Variants in ZNF143 observed in about 807,000 individuals in gnomAD.
ZNF143 encodes the protein SPH-binding factor.
In ZNF143, 49 loss-of-function variants were observed where a neutral mutation model predicts 74.1. The observed-to-expected ratio is 0.66, with a 90% CI of 0.53 to 0.84. ZNF143 has a LOEUF of 0.84. Ranked by LOEUF, ZNF143 falls within the 40% of genes least tolerant of loss-of-function variation. The probability of loss-of-function intolerance (pLI) is 0.00; values close to 1 mark genes in which losing one functional copy is unlikely to be tolerated. For missense variants in ZNF143, 637 were observed against 793.4 expected (o/e 0.80, Z 2.37); for synonymous variants, 304 against 282.8 (o/e 1.07, Z -0.75).
In ZNF143 at chr11:9,473,981, T is replaced by A; in HGVS notation, c.246T>A (p.Asp82Glu). Reference protein sequence around the residue: ...LIDGQVIQLEDGSAAYVQHVP... With the variant: ...LIDGQVIQLEEGSAAYVQHVP... ...ATGGCCAGGTCATTCAGTTGGAAGA[T>A]GGTTCTGCGGCCTATGTTCAACATG... is the stretch of plus-strand genomic sequence containing the variant. Residue 82 changes from aspartate (D) to glutamate (E), a missense_variant, in exon 4 of 16, where the codon GAT becomes GAA. Around this residue, in one of 2 missense-constraint regions of ZNF143, gnomAD observed 293 missense variants for 307.8 expected, o/e 0.95. Coordinates refer to ENST00000396602, the MANE Select transcript of ZNF143 (RefSeq NM_003442.6). 1 of 1,614,134 alleles carries A rather than the reference T, an allele frequency of 6.2e-7. No individual in the cohort carries two copies. The highest frequency in any genetic ancestry group is 8.5e-7 in the Non-Finnish European group (1 of 1,179,994).
At position 9,516,148 on chromosome 11, in the gene ZNF143, T is replaced by C. The variant is rs536896456; in HGVS notation, c.1525-53T>C. ...ATTAGTCCTGGTCCTTATGGAAGAT[T>C]GTCAGCTATAACAAGAAACATTGAC... On this transcript the variant is annotated intron_variant, in intron 13 of 15. Coordinates refer to ENST00000396602, the MANE Select transcript of ZNF143 (RefSeq NM_003442.6). The C allele has an allele frequency of 8.3e-5, 131 of 1,582,344 alleles. 1 individual carries two copies. In the East Asian group the frequency reaches 2.8e-3, roughly 34 times the overall value.
Position 9,512,460 on chromosome 11 carries a change from A to G in ZNF143, c.1388A>G (p.Asp463Gly). 6.2e-7 allele frequency: 1 copy of G among 1,614,088 alleles called. No homozygotes were observed. The change falls in exon 13 of 16, where the codon GAT (aspartate) becomes GGT (glycine). Residue 463 changes from aspartate (D) to glycine (G), a missense_variant. By Grantham distance (94) the Asp-to-Gly change is moderately conservative. This residue lies in a region of ZNF143 where 344 missense variants were observed against 485.6 expected (regional missense o/e 0.71). Transcript: ENST00000396602. Reference sequence around the variant, plus strand: ...TTGTTTTAAACAGGTCAAGGTGAAGATGTTCTTAAAGGGTCCCAGATTACG... The same window carrying G: ...TTGTTTTAAACAGGTCAAGGTGAAGGTGTTCTTAAAGGGTCCCAGATTACG... ...FFEPPPGQGE[D>G]VLKGSQITYV...
chr11:9,508,338 T>G (rs1416816247), intron 11 of ZNF143, among the ~76,000 whole-genome samples: 1 of 152,198 alleles, frequency 6.6e-6, no homozygotes, highest in East Asian at 1.9e-4. Context: ...TTCATTAAAG[T>G]TAGAGTTAAA....
chr11:9,519,968 T>G (rs1406970659), intron 14 of ZNF143, among the ~76,000 whole-genome samples: 7 of 151,758 alleles, frequency 4.6e-5, no homozygotes, highest in Non-Finnish European at 8.8e-5. Flanking sequence ...GGAGGATTGC[T>G]TGAGCCCAGG....
At chr11:9,468,046 G>A (rs1012328609) in intron 1 of ZNF143, among the ~76,000 whole-genome samples, 5 of 152,048 alleles carry the variant, frequency 3.3e-5, no homozygotes, top group African/African-American at 1.2e-4. Context: ...TTTTAACAGA[G>A]CAGCATCAGA....
At chr11:9,468,795 C>T (rs1856394669) in intron 1 of ZNF143, among the ~76,000 whole-genome samples, 1 of 152,032 alleles carries the variant, frequency 6.6e-6, no homozygotes, top group Non-Finnish European at 1.5e-5. Context: ...CAGGGTCCTG[C>T]CACTGCAGTC....
rs763786877 is a variant in ZNF143 at position 9,508,828 on chromosome 11, T to C, written c.1357T>C (p.Phe453Leu). 1 of 1,592,660 alleles carries C rather than the reference T, an allele frequency of 6.3e-7. No homozygotes were observed. The highest frequency in any genetic ancestry group is 8.6e-7 in the Non-Finnish European group (1 of 1,168,930). The change falls in exon 12 of 16, where the codon TTC (phenylalanine) becomes CTC (leucine). Residue 453 changes from phenylalanine (F) to leucine (L), a missense_variant. Physicochemically the swap from Phe to Leu is conservative, Grantham distance 22. This residue lies in a region of ZNF143 where 344 missense variants were observed against 485.6 expected (regional missense o/e 0.71). Transcript: ENST00000396602. Reference protein sequence around the residue: ...TEPIEEEQEAFFEPPPGQGED... With the variant: ...TEPIEEEQEALFEPPPGQGED... ...GCCCATCGAGGAGGAGCAGGAAGCCTTCTTTGAGCCGCCCCCAGGTGAGAG... is the reference window on the plus strand; with the variant it reads ...GCCCATCGAGGAGGAGCAGGAAGCCCTCTTTGAGCCGCCCCCAGGTGAGAG...
intron 8 of ZNF143, among the ~76,000 whole-genome samples, chr11:9,495,985 G>T (rs111470999): frequency 6.6e-6 from 1 of 152,094 alleles, no homozygotes; most frequent in African/African-American, 2.4e-5. Context: ...CTTACATTGT[G>T]TAGTCTCTCC....
Position 9,501,195 on chromosome 11 carries a change from T to A in ZNF143, c.1072T>A (p.Tyr358Asn), listed in dbSNP as rs1565051846. ...GACACACACAGGAGAAAGACCTTAT[T>A]ACTGCACAGAGCCAGGATGTGGGAG... ...VRTHTGERPYYCTEPGCGRAF... is the reference protein window; with the variant it reads ...VRTHTGERPYNCTEPGCGRAF... The change falls in exon 11 of 16, where the codon TAC becomes AAC. Residue 358 changes from tyrosine (Y) to asparagine (N), a missense_variant. Physicochemically the swap from Tyr to Asn is moderately radical, Grantham distance 143. This residue lies in a region of ZNF143 where 344 missense variants were observed against 485.6 expected (regional missense o/e 0.71). Transcript: ENST00000396602. 6.2e-7 allele frequency: 1 copy of A among 1,614,090 alleles called. No homozygotes were observed. The highest frequency in any genetic ancestry group is 8.5e-7 in the Non-Finnish European group (1 of 1,180,050).
intron 7 of ZNF143, among the ~76,000 whole-genome samples, chr11:9,486,476 T>TTTTTTGAGG (rs1159713663): frequency 2.5e-5 from 2 of 80,850 alleles, no homozygotes; most frequent in Non-Finnish European, 4.9e-5. Flanking sequence ...AAAAGCCCTG[T>TTTTTTGAGG]TTTTTGAGGT....
At chr11:9,478,934 T>C (rs1188996745) in intron 6 of ZNF143, among the ~76,000 whole-genome samples, 2 of 151,948 alleles carry the variant, frequency 1.3e-5, no homozygotes, top group Non-Finnish European at 2.9e-5. Flanking sequence ...GAGAAATGAG[T>C]GGCAGGTAAT....
chr11:9,502,241 CTTTTTTTTTTTT>C (rs1183629630), intron 11 of ZNF143, among the ~76,000 whole-genome samples: 1 of 56,968 alleles, frequency 1.8e-5, no homozygotes, highest in South Asian at 8.9e-4. Context: ...TGGCCATATT[CTTTTTTTTTTTT>C]TTTTTTTTTT....
At chr11:9,515,722 G>A (rs1297752592) in intron 13 of ZNF143, among the ~76,000 whole-genome samples, 1 of 151,418 alleles carries the variant, frequency 6.6e-6, no homozygotes, top group Non-Finnish European at 1.5e-5. Context: ...GCTCACACCT[G>A]TAATCCCAGC....
intron 1 of ZNF143, among the ~76,000 whole-genome samples, chr11:9,465,283 T>G (rs1027260433): frequency 4.9e-4 from 74 of 151,692 alleles, no homozygotes; most frequent in South Asian, 1.9e-3. Flanking sequence ...GCCTCCCGGG[T>G]TCAAGTGATT....
chr11:9,502,933 C>A (rs1848220329), intron 11 of ZNF143, among the ~76,000 whole-genome samples: 2 of 152,218 alleles, frequency 1.3e-5, no homozygotes, highest in South Asian at 4.2e-4. Context: ...TGGGTTCACA[C>A]CATTCTCCTG....
intron 12 of ZNF143, among the ~76,000 whole-genome samples, chr11:9,511,750 C>CTTTTTTTT (rs1254769544): frequency 8.3e-6 from 1 of 120,188 alleles, no homozygotes; most frequent in Non-Finnish European, 1.8e-5. Context: ...CCTTTAACAG[C>CTTTTTTTT]TTTTTTTTTT....
chr11:9,470,556 C>G (rs1856508338), intron 1 of ZNF143, among the ~76,000 whole-genome samples: 1 of 152,030 alleles, frequency 6.6e-6, no homozygotes, highest in Non-Finnish European at 1.5e-5. Flanking sequence ...GAAGGAAACT[C>G]AAATGAACAC....
At position 9,515,585 on chromosome 11, in the gene ZNF143, C is replaced by T. The variant is rs566681139; in HGVS notation, c.1525-616C>T. Among the ~76,000 whole-genome samples the T allele has an allele frequency of 4.7e-4, 70 of 150,120 alleles. 3 individuals are homozygous for T. Among genetic ancestry groups the T allele is most frequent in the Middle Eastern group, 3.4e-3 (1 of 292 alleles). ...AGGACAGTGGCATGAACCCGGGAGG[C>T]GGAGCTTCCAGTAAGCAGAGATTGC... On this transcript the variant is annotated intron_variant, in intron 13 of 15. Coordinates refer to ENST00000396602, the MANE Select transcript of ZNF143 (RefSeq NM_003442.6).
At position 9,525,256 on chromosome 11, in the gene ZNF143, A is replaced by C. The variant is rs1366013708; in HGVS notation, c.1703A>C (p.Gln568Pro). 5.0e-6 allele frequency: 8 copies of C among 1,614,068 alleles called. No individual in the cohort carries two copies. The South Asian group carries it at 7.7e-5, about 16-fold the overall frequency. Reference sequence around the variant, plus strand: ...TTGCTTAAGGTTGCAATTGTAGCTCAAGACTTGGCAGCATTCCATACTGCC... The same window carrying C: ...TTGCTTAAGGTTGCAATTGTAGCTCCAGACTTGGCAGCATTCCATACTGCC... ...TEGEQVAIVA[Q>P]DLAAFHTASS... Residue 568 changes from glutamine (Q) to proline (P), a missense_variant, in exon 15 of 16, where the codon CAA becomes CCA. Coordinates refer to ENST00000396602, the MANE Select transcript of ZNF143 (RefSeq NM_003442.6).
Sources: allele counts gnomAD v4.1 joint callset (sites outside exome capture counted in the v4.1 genomes callset), GRCh38; gene constraint gnomAD v4.1.1; regional missense constraint gnomAD v4.1.1; transcripts MANE v1.5; gene names NCBI Gene and HGNC (gene_info 2026-07-23, HGNC 2026-07-21).